Variants in TMED4 observed in about 807,000 individuals in gnomAD.
TMED4 encodes transmembrane emp24 domain-containing protein 4.
Under a neutral mutation model 26.5 loss-of-function variants are expected in TMED4, and 19 were observed. That is an observed-to-expected ratio of 0.72 (90% CI 0.50 to 1.05). TMED4 has a LOEUF of 1.05. TMED4 is among the 50% of genes least tolerant of loss of function. The probability of loss-of-function intolerance (pLI) is 0.00; values close to 1 mark genes in which losing one functional copy is unlikely to be tolerated. For missense variants in TMED4, 303 were observed against 302.5 expected (o/e 1.00, Z -0.01); for synonymous variants, 121 against 119.8 (o/e 1.01, Z -0.07).
Position 44,582,069 on chromosome 7 carries a change from G to A in TMED4, c.138C>T (p.Ile46=). 3 of 1,567,700 alleles carry A rather than the reference G, an allele frequency of 1.9e-6. No homozygotes were observed. In the South Asian group the frequency reaches 3.5e-5, roughly 18 times the overall value. Residue 46 remains isoleucine (I), a synonymous_variant, in exon 1 of 5, where the codon ATC becomes ATT. Coordinates refer to ENST00000457408, the MANE Select transcript of TMED4 (RefSeq NM_182547.4). ...GACCGATGACCATGGTCTCGTCGGG[G>A]ATTTCCTCGATGAAACAGCGCTTCT... The part of the protein sequence containing the change: ...ETEKRCFIEE[I]PDETMVIGNY...
chr7:44,581,149 C>T lies in TMED4; in HGVS notation c.478G>A (p.Ala160Thr), dbSNP rs770506814. 6 of 1,613,924 alleles carry T rather than the reference C, an allele frequency of 3.7e-6. No homozygotes were observed. The highest frequency in any genetic ancestry group is 2.7e-5 in the African/African-American group (2 of 74,914). Residue 160 changes from alanine to threonine, a missense_variant, in exon 4 of 5, where the codon GCC (alanine) becomes ACC (threonine). By Grantham distance (58) the Ala-to-Thr change is moderately conservative. Coordinates refer to ENST00000457408, the MANE Select transcript of TMED4 (RefSeq NM_182547.4). ...TCCACCTGATCAAGCAACTGGCGGG[C>T]GCGGAGCTGTAGCTCCGTCAGCTTA... ...KDKLTELQLR[A>T]RQLLDQVEQI...
rs1403114154 is a variant in TMED4, at chr7:44,582,061, T to G, written c.146A>C (p.Glu49Ala). Residue 49 changes from glutamate to alanine, a missense_variant, in exon 1 of 5, where the codon GAG becomes GCG. By Grantham distance (107) the Glu-to-Ala change is moderately radical (BLOSUM62 -1). Transcript: ENST00000457408. ...KRCFIEEIPD[E>A]TMVIGNYRTQ... ...GCCCGCCTGACCGATGACCATGGTC[T>G]CGTCGGGGATTTCCTCGATGAAACA... 10 of 1,565,772 alleles carry G rather than the reference T, an allele frequency of 6.4e-6. No individual in the cohort carries two copies. The Admixed American group carries it at 1.7e-4, about 27-fold the overall frequency.
At position 44,579,493 on chromosome 7, in the gene TMED4, T is replaced by C; in HGVS notation, c.670A>G (p.Lys224Glu). 6.2e-7 allele frequency: 1 copy of C among 1,613,938 alleles called. No homozygotes were observed. Among genetic ancestry groups the C allele is most frequent in the Non-Finnish European group, 8.5e-7 (1 of 1,179,910 alleles). ...MRHLKSFFEA[K>E]KLV ...CAAAGAGGGCACTACACCAGCTTCT[T>C]GGCCTCAAAGAAGCTCTTGAGGTGA... Residue 224 changes from lysine to glutamate, a missense_variant, in exon 5 of 5, where the codon AAG (lysine) becomes GAG (glutamate). By Grantham distance (56) the Lys-to-Glu change is moderately conservative. Transcript: ENST00000457408.
At chr7:44,580,522 A>C (rs1240670627) in intron 4 of TMED4, 1 of 152,540 alleles carries the variant, frequency 6.6e-6, no homozygotes, top group East Asian at 1.9e-4. Context: ...TGAGAAGATG[A>C]AAAAGTTCTG....
rs1412274936 is a variant in TMED4 at position 44,582,185 on chromosome 7, G to A, written c.22C>T (p.Pro8Ser). ...GCCTGCCGCCCCATCGCCCGCAGAG[G>A]CCCAGCCCCGACACCTGCCATCGCG... MAGVGAGPLRAMGRQALL... is the reference protein window; with the variant it reads MAGVGAGSLRAMGRQALL... The change falls in exon 1 of 5, where the codon CCT becomes TCT. Residue 8 changes from proline to serine, a missense_variant. By Grantham distance (74) the Pro-to-Ser change is moderately conservative (BLOSUM62 -1). Coordinates refer to ENST00000457408, the MANE Select transcript of TMED4 (RefSeq NM_182547.4). 6.5e-7 allele frequency: 1 copy of A among 1,546,214 alleles called. No individual in the cohort carries two copies. The highest frequency in any genetic ancestry group is 2.4e-5 in the East Asian group (1 of 40,874).
Position 44,581,503 on chromosome 7 carries a change from T to A in TMED4, c.333A>T (p.Gln111His), listed in dbSNP as rs771695566. The A allele has an allele frequency of 6.2e-7, 1 of 1,614,150 alleles. No homozygotes were observed. Among genetic ancestry groups the A allele is most frequent in the South Asian group, 1.1e-5 (1 of 91,076 alleles). Reference sequence around the variant, plus strand: ...TGGTAGAATTGGAGTGCAGACAGATTTGATGGTCACCGGGCGTGTGGGAGG... The same window carrying A: ...TGGTAGAATTGGAGTGCAGACAGATATGATGGTCACCGGGCGTGTGGGAGG... Reference protein sequence around the residue: ...TFTSHTPGDHQICLHSNSTRM... With the variant: ...TFTSHTPGDHHICLHSNSTRM... The change falls in exon 3 of 5, where the codon CAA becomes CAT. Residue 111 changes from glutamine to histidine, a missense_variant. Physicochemically the swap from Gln to His is conservative, Grantham distance 24. Coordinates refer to ENST00000457408, the MANE Select transcript of TMED4 (RefSeq NM_182547.4).
In TMED4 at chr7:44,582,105, G is replaced by A. The variant is rs758438950; in HGVS notation, c.102C>T (p.Ile34=). Residue 34 remains isoleucine (I), a synonymous_variant, in exon 1 of 5, where the codon ATC becomes ATT. Transcript: ENST00000457408. ...TGAAACAGCGCTTCTCGGTCTCGCC[G>A]ATGTGGAAGTAGAGCCCCTGGGCGC... is the stretch of plus-strand genomic sequence containing the variant. ...ATGAQGLYFH[I]GETEKRCFIE... The A allele has an allele frequency of 3.2e-6, 5 of 1,561,978 alleles. No individual in the cohort carries two copies. The highest frequency in any genetic ancestry group is 1.2e-5 in the South Asian group (1 of 85,268).
intron 2 of TMED4, 64 bp downstream of exon 2, chr7:44,581,659 C>G (rs571223247): frequency 1.2e-6 from 2 of 1,612,922 alleles, no homozygotes; most frequent in Non-Finnish European, 1.7e-6. Flanking sequence ...CTCCTCCAGG[C>G]AGTGCTTTAC....
intron 4 of TMED4, 70 bp from the exon 5 acceptor site, chr7:44,579,698 T>G: frequency 6.5e-7 from 1 of 1,544,800 alleles, no homozygotes; most frequent in Non-Finnish European, 8.9e-7. Flanking sequence ...CCTCCCTGCG[T>G]GTAATTACTC....
In TMED4 at chr7:44,578,944, G is replaced by C. The variant is rs1400125878; in HGVS notation, c.*535C>G. On this transcript the variant is annotated 3_prime_UTR_variant, in exon 5 of 5. Coordinates refer to ENST00000457408, the MANE Select transcript of TMED4 (RefSeq NM_182547.4). ...TGGTATTTTGAGCTAGTTACAGGCA[G>C]TAACACTTCTACTAGGAAGGAAAAT... The C allele has an allele frequency of 6.7e-6, 1 of 150,254 alleles. No homozygotes were observed. The highest frequency in any genetic ancestry group is 2.5e-5 in the African/African-American group (1 of 40,760). The allele number at this position is 150,254 out of a possible 1,614,324, so 9.3% of individuals were successfully genotyped here. A position where few individuals can be genotyped will look rare whatever the true frequency, so the allele number is the denominator to read the frequency against.
chr7:44,580,570 G>A (rs1325295915), intron 4 of TMED4: 1 of 152,890 alleles, frequency 6.5e-6, no homozygotes, highest in Non-Finnish European at 1.5e-5. Flanking sequence ...ACATTATGAA[G>A]GCACTTAATA....
At chr7:44,581,995 G>A in intron 1 of TMED4, 52 bp downstream of exon 1, 2 of 1,523,842 alleles carry the variant, frequency 1.3e-6, no homozygotes, top group Non-Finnish European at 1.8e-6. Context: ...AGGGAGCGCC[G>A]CCGAGGGCTG....
At chr7:44,579,676 T>C (rs769400811) in intron 4 of TMED4, 48 bp from the exon 5 acceptor site, 3 of 1,587,730 alleles carry the variant, frequency 1.9e-6, no homozygotes, top group South Asian at 1.1e-5. Flanking sequence ...ACAGTCTGGC[T>C]GTTGTGAGGT....
rs975443413 is a variant in TMED4 at position 44,582,195 on chromosome 7, G to A, written c.12C>T (p.Val4=). The part of the protein sequence containing the change: MAG[V]GAGPLRAMGR... Reference sequence around the variant, plus strand: ...CCATCGCCCGCAGAGGCCCAGCCCCGACACCTGCCATCGCGCCTCAGCCCC... The same window carrying A: ...CCATCGCCCGCAGAGGCCCAGCCCCAACACCTGCCATCGCGCCTCAGCCCC... Residue 4 remains valine, a synonymous_variant, in exon 1 of 5, where the codon GTC becomes GTT. Transcript: ENST00000457408. 13 of 1,544,314 alleles carry A rather than the reference G, an allele frequency of 8.4e-6. No homozygotes were observed. Among genetic ancestry groups the A allele is most frequent in the Non-Finnish European group, 1.1e-5 (13 of 1,145,802 alleles).
At position 44,582,141 on chromosome 7, in the gene TMED4, C is replaced by T. The variant is rs1340143550; in HGVS notation, c.66G>A (p.Leu22=). The T allele has an allele frequency of 6.4e-7, 1 of 1,551,312 alleles. No homozygotes were observed. Among genetic ancestry groups the T allele is most frequent in the African/African-American group, 1.4e-5 (1 of 73,140 alleles). The change falls in exon 1 of 5, where the codon CTG becomes CTA. Residue 22 remains leucine, a synonymous_variant. Coordinates refer to ENST00000457408, the MANE Select transcript of TMED4 (RefSeq NM_182547.4). ...AGAGCCCCTGGGCGCCTGTGGCGCA[C>T]AGCGCGAGAAGCAGCAGGGCCTGCC... ...MGRQALLLLA[L]CATGAQGLYF...
At position 44,582,152 on chromosome 7, in the gene TMED4, G is replaced by A. The variant is rs1318479396; in HGVS notation, c.55C>T (p.Leu19Phe). ...GCGCCTGTGGCGCACAGCGCGAGAA[G>A]CAGCAGGGCCTGCCGCCCCATCGCC... The part of the protein sequence containing the change: ...LRAMGRQALL[L>F]LALCATGAQG... Residue 19 changes from leucine to phenylalanine, a missense_variant, in exon 1 of 5, where the codon CTT becomes TTT. Leu to Phe is a conservative substitution (Grantham distance 22). Transcript: ENST00000457408. The A allele has an allele frequency of 1.3e-6, 2 of 1,550,144 alleles. No homozygotes were observed. The highest frequency in any genetic ancestry group is 2.0e-5 in the Admixed American group (1 of 50,832).
At chr7:44,580,179 TTA>T (rs1225138000) in intron 4 of TMED4, 1 of 152,744 alleles carries the variant, frequency 6.5e-6, no homozygotes, top group Non-Finnish European at 1.5e-5. Context: ...AAGTTATTGT[TTA>T]TAATAAGTAC....
Position 44,582,062 on chromosome 7 carries a change from C to T in TMED4, c.145G>A (p.Glu49Lys). The change falls in exon 1 of 5, where the codon GAG (glutamate) becomes AAG (lysine). Residue 49 changes from glutamate (E) to lysine (K), a missense_variant. Glu to Lys is a moderately conservative substitution (Grantham distance 56). Transcript: ENST00000457408. ...KRCFIEEIPD[E>K]TMVIGNYRTQ... Reference sequence around the variant, plus strand: ...CCCGCCTGACCGATGACCATGGTCTCGTCGGGGATTTCCTCGATGAAACAG... The same window carrying T: ...CCCGCCTGACCGATGACCATGGTCTTGTCGGGGATTTCCTCGATGAAACAG... 1 of 1,567,560 alleles carries T rather than the reference C, an allele frequency of 6.4e-7. No homozygotes were observed. Among genetic ancestry groups the T allele is most frequent in the Non-Finnish European group, 8.6e-7 (1 of 1,156,128 alleles).
Position 44,581,517 on chromosome 7 carries a change from G to A in TMED4, c.319C>T (p.Pro107Ser), listed in dbSNP as rs768391756. 1.1e-5 allele frequency: 17 copies of A among 1,614,082 alleles called. No individual in the cohort carries two copies. The highest frequency in any genetic ancestry group is 1.4e-5 in the Non-Finnish European group (16 of 1,180,048). The change falls in exon 3 of 5, where the codon CCC (proline) becomes TCC (serine). Residue 107 changes from proline to serine, a missense_variant. Transcript: ENST00000457408. ...TGCAGACAGATTTGATGGTCACCGG[G>A]CGTGTGGGAGGTGAACGTGAAGCGG... ...EGRFTFTSHT[P>S]GDHQICLHSN...
Sources: gnomAD v4.1 joint callset for allele counts on GRCh38, gnomAD v4.1.1 for gene constraint, MANE v1.5 for transcripts, NCBI Gene and HGNC (gene_info 2026-07-23, HGNC 2026-07-21) for gene names.